SCRN3: variants seen among roughly 807,000 people sequenced by gnomAD.
SCRN3 encodes the protein secernin-3.
SCRN3 carries 39 observed loss-of-function variants against 43.1 expected under a neutral mutation model. The observed-to-expected ratio is 0.91, with a 90% CI of 0.70 to 1.18. SCRN3 has a LOEUF of 1.18. Among genes scored for constraint, SCRN3 ranks in the 50% most tolerant of loss-of-function variants. The pLI is 0.00. For missense variants in SCRN3, 484 were observed against 498.0 expected, an observed-to-expected ratio of 0.97 and a Z score of 0.27; for synonymous variants, 147 against 163.1, an observed-to-expected ratio of 0.90 and a Z score of 0.75.
At chr2:174,408,636 T>C (rs1462534827) in intron 5 of SCRN3, among the ~76,000 whole-genome samples, 1 of 141,460 alleles carries the variant, frequency 7.1e-6, no homozygotes, top group Non-Finnish European at 1.6e-5. Context: ...CTTCAGGAGC[T>C]CTTTTAGGGC....
chr2:174,399,664 G>A (rs1014746268), intron 2 of SCRN3, among the ~76,000 whole-genome samples: 3 of 152,056 alleles, frequency 2.0e-5, no homozygotes, highest in African/African-American at 7.2e-5. Context: ...ATTCATCTTT[G>A]TAACTAACAT....
chr2:174,404,199 G>A lies in SCRN3; in HGVS notation c.638G>A (p.Trp213Ter). The A allele has an allele frequency of 6.2e-7, 1 of 1,613,812 alleles. No homozygotes were observed. The highest frequency in any genetic ancestry group is 8.5e-7 in the Non-Finnish European group (1 of 1,179,830). ...MRNYAKRKGW[W>*]DGKKEFDFAA... ...AACTATGCTAAGCGGAAAGGTTGGTGGGATGGTAAAAAGGAGTTTGATTTT... is the reference window on the plus strand; with the variant it reads ...AACTATGCTAAGCGGAAAGGTTGGTAGGATGGTAAAAAGGAGTTTGATTTT... Residue 213 changes from tryptophan to a stop codon, truncating the protein, a stop_gained, in exon 5 of 8, where the codon TGG (tryptophan) becomes TAG (stop). Transcript: ENST00000272732. LOFTEE classifies it high-confidence loss of function.
chr2:174,423,064 C>T lies in SCRN3; in HGVS notation c.917+17C>T, dbSNP rs1424837033. On this transcript the variant is annotated intron_variant, in intron 6 of 7. Transcript: ENST00000272732. ...TCCTGAGAGGTGAAGCCACAAAATA[C>T]TATAAACCAGCAAGGGGTCAGGGGA... 3 of 1,603,368 alleles carry T rather than the reference C, an allele frequency of 1.9e-6. No individual in the cohort carries two copies. In the African/African-American group the frequency reaches 4.0e-5, roughly 21 times the overall value.
chr2:174,401,265 A>C, intron 4 of SCRN3, 76 bp downstream of exon 4: 1 of 1,093,918 alleles, frequency 9.1e-7, no homozygotes, highest in Non-Finnish European at 1.3e-6. Flanking sequence ...TATTGCATTT[A>C]ATTGCTTCCA....
At chr2:174,399,155 T>C (rs2105557675) in intron 2 of SCRN3, among the ~76,000 whole-genome samples, 1 of 152,348 alleles carries the variant, frequency 6.6e-6, no homozygotes, top group East Asian at 1.9e-4. Flanking sequence ...TAATTCATAC[T>C]TTTTAGATTT....
At chr2:174,396,075 A>G (rs1233130082) in intron 1 of SCRN3, 2 of 1,175,430 alleles carry the variant, frequency 1.7e-6, no homozygotes, top group East Asian at 6.3e-5. Flanking sequence ...CATCTATGTT[A>G]TGAAGATAAT....
intron 7 of SCRN3, among the ~76,000 whole-genome samples, chr2:174,427,022 G>A (rs1574677050): frequency 6.6e-6 from 1 of 151,762 alleles, no homozygotes. Flanking sequence ...TAGTAGAGAC[G>A]GGGTTTTACC....
rs1559087100 is a variant in SCRN3, at chr2:174,427,863, CA to C, written c.1244del (p.Gln415ArgfsTer17). The C allele has an allele frequency of 1.3e-6, 1 of 791,096 alleles. No homozygotes were observed. Among genetic ancestry groups the C allele is most frequent in the South Asian group, 1.8e-5 (1 of 54,354 alleles). The allele number at this position is 791,096 out of a possible 1,614,324, so 49.0% of individuals were successfully genotyped here. On this transcript the variant is annotated frameshift_variant, in exon 8 of 8. Coordinates refer to ENST00000272732, the MANE Select transcript of SCRN3 (RefSeq NM_024583.5). LOFTEE classifies it high-confidence loss of function. ...TACAAAAGATGAAATTCAAATTTAT[CA>C]GTCAAATTTATCAGTCAAAGTTAGT... ...QCTKDEIQIY[Q>X]SNLSVKVSS
At chr2:174,400,926 G>C in intron 3 of SCRN3, 64 bp from the exon 4 acceptor site, 2 of 1,321,016 alleles carry the variant, frequency 1.5e-6, no homozygotes, top group Non-Finnish European at 2.0e-6. Context: ...TCATGAGCAT[G>C]AAATTATTTA....
intron 4 of SCRN3, among the ~76,000 whole-genome samples, chr2:174,403,694 G>T (rs1232803916): frequency 2.0e-5 from 3 of 152,138 alleles, no homozygotes; most frequent in African/African-American, 7.2e-5. Flanking sequence ...GTTAATGAAG[G>T]ATTTGGGGTG....
At chr2:174,400,862 G>A in intron 3 of SCRN3, 128 bp from the exon 4 acceptor site, 1 of 758,306 alleles carries the variant, frequency 1.3e-6, no homozygotes, top group Non-Finnish European at 2.1e-6. Flanking sequence ...TTTAAAGTTA[G>A]ATGTCATTTC....
chr2:174,415,424 G>T (rs779328872), intron 5 of SCRN3, among the ~76,000 whole-genome samples: 1 of 151,962 alleles, frequency 6.6e-6, no homozygotes. Context: ...TAATTGCTTT[G>T]TGAGTTGTTT....
At chr2:174,406,727 T>C (rs1376945392) in intron 5 of SCRN3, among the ~76,000 whole-genome samples, 1 of 137,716 alleles carries the variant, frequency 7.3e-6, no homozygotes, top group African/African-American at 2.5e-5. Context: ...CATGTGGTTT[T>C]TGTCTTTGGC....
Position 174,427,852 on chromosome 2 carries a change from T to G in SCRN3, c.1232T>G (p.Ile411Ser). ...TTTCCTCAGTGTACAAAAGATGAAA[T>G]TCAAATTTATCAGTCAAATTTATCA... Reference protein sequence around the residue: ...NLFPQCTKDEIQIYQSNLSVK... With the variant: ...NLFPQCTKDESQIYQSNLSVK... The change falls in exon 8 of 8, where the codon ATT (isoleucine) becomes AGT (serine). Residue 411 changes from isoleucine (I) to serine (S), a missense_variant. Physicochemically the swap from Ile to Ser is moderately radical, Grantham distance 142. Coordinates refer to ENST00000272732, the MANE Select transcript of SCRN3 (RefSeq NM_024583.5). The G allele has an allele frequency of 3.1e-6, 5 of 1,589,494 alleles. No individual in the cohort carries two copies. Among genetic ancestry groups the G allele is most frequent in the Non-Finnish European group, 4.3e-6 (5 of 1,159,248 alleles).
At chr2:174,400,310 G>A (rs1685463124) in intron 3 of SCRN3, among the ~76,000 whole-genome samples, 1 of 151,792 alleles carries the variant, frequency 6.6e-6, no homozygotes, top group Non-Finnish European at 1.5e-5. Context: ...TTTTTGAGAT[G>A]AGATCTCACT....
intron 7 of SCRN3, among the ~76,000 whole-genome samples, chr2:174,426,148 C>T (rs1287527160): frequency 6.6e-6 from 1 of 152,058 alleles, no homozygotes; most frequent in African/African-American, 2.4e-5. Flanking sequence ...TAGTCTTTTG[C>T]TTTAAGGCAC....
At chr2:174,399,642 G>T (rs1685435265) in intron 2 of SCRN3, among the ~76,000 whole-genome samples, 1 of 152,144 alleles carries the variant, frequency 6.6e-6, no homozygotes, top group African/African-American at 2.4e-5. Flanking sequence ...TCAAAAGTGA[G>T]ATCTTTATCT....
chr2:174,429,946 A>G (rs1686601886), downstream of SCRN3, among the ~76,000 whole-genome samples: 1 of 152,176 alleles, frequency 6.6e-6, no homozygotes, highest in African/African-American at 2.4e-5. Flanking sequence ...ATGTCTTTTC[A>G]TGACTTGATA....
downstream of SCRN3, among the ~76,000 whole-genome samples, chr2:174,430,023 G>T (rs1213015797): frequency 6.6e-6 from 1 of 152,128 alleles, no homozygotes; most frequent in Non-Finnish European, 1.5e-5. Context: ...GGACATCTTG[G>T]TTGCTTCCAA....
Sources: gnomAD v4.1 joint callset for allele counts (sites outside exome capture counted in the v4.1 genomes callset) on GRCh38, gnomAD v4.1.1 for gene constraint, MANE v1.5 for transcripts, NCBI Gene and HGNC (gene_info 2026-07-23, HGNC 2026-07-21) for gene names.